The following PKHD1L1 variants were observed in gnomAD, a reference collection of about 807,000 sequenced individuals.
PKHD1L1 encodes PKHD1 like 1.
A neutral mutation model predicts 462.9 loss-of-function variants in PKHD1L1; 434 were observed. That is an observed-to-expected ratio of 0.94 (90% CI 0.87 to 1.02). PKHD1L1 has a LOEUF of 1.02. Ranked by LOEUF, PKHD1L1 falls within the 50% of genes least tolerant of loss-of-function variation. PKHD1L1 has a pLI of 0.00. For synonymous variants in PKHD1L1, 1,781 were observed against 1,750.0 expected (o/e 1.02, Z -0.44); for missense variants, 5,202 against 5,096.1 (o/e 1.02, Z -0.63).
intron 50 of PKHD1L1, among the ~76,000 whole-genome samples, chr8:109,467,439 G>T (rs994931069): frequency 1.3e-4 from 13 of 101,166 alleles, no homozygotes; most frequent in African/African-American, 5.1e-4. Flanking sequence ...ATTTAAACTT[G>T]CTTTTATTTG....
At chr8:109,380,476 T>C (rs183300875) in intron 2 of PKHD1L1, among the ~76,000 whole-genome samples, 6 of 152,338 alleles carry the variant, frequency 3.9e-5, no homozygotes, top group African/African-American at 1.4e-4. Flanking sequence ...TCTAACACCA[T>C]GTCTTTGTCA....
In PKHD1L1 at chr8:109,415,657, G is replaced by T. The variant is rs149174785; in HGVS notation, c.2360+2112G>T. 2.8e-3 allele frequency among the ~76,000 whole-genome samples: 426 copies of T among 151,760 alleles called. 2 individuals are homozygous for T. Among genetic ancestry groups the T allele is most frequent in the Non-Finnish European group, 3.8e-3 (258 of 67,850 alleles). On this transcript the variant is annotated intron_variant, in intron 21 of 77. Coordinates refer to ENST00000378402, the MANE Select transcript of PKHD1L1 (RefSeq NM_177531.6). ...ATGATCTTAATTTAAAAAAAGGAGG[G>T]GGCTGGGCAACATGGCAACCATCTC...
Position 109,381,370 on chromosome 8 carries a change from G to T in PKHD1L1, c.164G>T (p.Gly55Val), listed in dbSNP as rs1812103587. The T allele has an allele frequency of 1.3e-6, 2 of 1,563,870 alleles. No individual in the cohort carries two copies. Among genetic ancestry groups the T allele is most frequent in the Non-Finnish European group, 1.7e-6 (2 of 1,152,696 alleles). The change falls in exon 3 of 78, where the codon GGT becomes GTT. Residue 55 changes from glycine (G) to valine (V), a missense_variant and splice_region_variant. Physicochemically the swap from Gly to Val is moderately radical, Grantham distance 109. Around this residue, in one of 3 missense-constraint regions of PKHD1L1, gnomAD observed 4,497 missense variants for 4,336.8 expected, o/e 1.04. Coordinates refer to ENST00000378402, the MANE Select transcript of PKHD1L1 (RefSeq NM_177531.6). ...GATRLTIRGEGFSQANQFNYG... is the reference protein window; with the variant it reads ...GATRLTIRGEVFSQANQFNYG... ...TAATTAAGTCTTCTTACTTTTCCAG[G>T]TTTTTCTCAAGCAAACCAGTTTAAC...
intron 71 of PKHD1L1, among the ~76,000 whole-genome samples, chr8:109,511,341 C>T (rs1241352398): frequency 8.9e-6 from 1 of 112,144 alleles, no homozygotes; most frequent in Non-Finnish European, 1.8e-5. Flanking sequence ...CTATCCCTCC[C>T]CCCTCCCCCC....
intron 76 of PKHD1L1, among the ~76,000 whole-genome samples, chr8:109,525,856 A>G (rs1286696444): frequency 2.0e-5 from 2 of 100,792 alleles, no homozygotes; most frequent in African/African-American, 7.7e-5. Context: ...AAGTTATATA[A>G]TGAATTGCAA....
intron 46 of PKHD1L1, among the ~76,000 whole-genome samples, chr8:109,457,834 T>G (rs2130807883): frequency 6.6e-6 from 1 of 152,282 alleles, no homozygotes; most frequent in East Asian, 1.9e-4. Flanking sequence ...AAGAAATCAT[T>G]GTATCATCCG....
intron 60 of PKHD1L1, 65 bp downstream of exon 60, chr8:109,490,120 A>C: frequency 1.0e-6 from 1 of 976,654 alleles, no homozygotes; most frequent in South Asian, 1.7e-5. Flanking sequence ...TTTTCATTTG[A>C]CTTCTAAATA....
intron 35 of PKHD1L1, 86 bp downstream of exon 35, chr8:109,442,281 T>G: frequency 2.4e-6 from 3 of 1,253,966 alleles, no homozygotes; most frequent in Non-Finnish European, 3.2e-6. Flanking sequence ...TAATACAGTA[T>G]TTTTACATAA....
chr8:109,475,771 C>A (rs555478039), intron 51 of PKHD1L1, among the ~76,000 whole-genome samples: 150 of 147,764 alleles, frequency 1.0e-3, no homozygotes, highest in Non-Finnish European at 1.5e-3. Context: ...TCGCTTGAAC[C>A]CAAGAGGCAG....
chr8:109,459,660 C>T lies in PKHD1L1; in HGVS notation c.7070C>T (p.Thr2357Ile), dbSNP rs201437777. ...ASVSADGINI[T>I]LSNPLNYTHL... ...GTGTCTGCTGATGGCATAAACATAA[C>T]ACTAAGTAACCCACTAAATTACACA... Residue 2357 changes from threonine to isoleucine, a missense_variant, in exon 47 of 78, where the codon ACA becomes ATA. This residue lies in a region of PKHD1L1 where 4,497 missense variants were observed against 4,336.8 expected (regional missense o/e 1.04). Coordinates refer to ENST00000378402, the MANE Select transcript of PKHD1L1 (RefSeq NM_177531.6). 8.7e-5 allele frequency: 140 copies of T among 1,606,500 alleles called. No individual in the cohort carries two copies. The African/African-American group carries it at 1.7e-3, about 19-fold the overall frequency.
At chr8:109,448,026 T>G (rs547800683) in intron 38 of PKHD1L1, 117 bp from the exon 39 acceptor site, 7 of 877,380 alleles carry the variant, frequency 8.0e-6, no homozygotes, top group Non-Finnish European at 1.2e-5. Context: ...TTAATATTTA[T>G]ATTAGTTTTA....
chr8:109,363,392 CCTT>C (rs969238177), intron 1 of PKHD1L1, among the ~76,000 whole-genome samples: 1 of 152,156 alleles, frequency 6.6e-6, no homozygotes, highest in African/African-American at 2.4e-5. Context: ...GAACTGGTCT[CCTT>C]TATGTTGGAG....
intron 26 of PKHD1L1, 120 bp from the exon 27 acceptor site, chr8:109,429,812 T>A (rs969478224): frequency 2.7e-6 from 2 of 728,748 alleles, no homozygotes; most frequent in East Asian, 2.8e-5. Context: ...ACAAAAAATA[T>A]AGACTAATTT....
At chr8:109,426,948 C>G (rs568397131) in intron 24 of PKHD1L1, 54 bp from the exon 25 acceptor site, 2 of 1,022,766 alleles carry the variant, frequency 2.0e-6, no homozygotes, top group Non-Finnish European at 3.1e-6. Context: ...CCACCACATC[C>G]GGCCCGTTTG....
chr8:109,523,446 T>C, intron 76 of PKHD1L1, 60 bp downstream of exon 76: 1 of 1,441,022 alleles, frequency 6.9e-7, no homozygotes, highest in Non-Finnish European at 9.5e-7. Flanking sequence ...ATTATAATGT[T>C]CTTTTAATGA....
In PKHD1L1 at chr8:109,444,948, C is replaced by T. The variant is rs771724295; in HGVS notation, c.5079C>T (p.Val1693=). 2 of 1,613,936 alleles carry T rather than the reference C, an allele frequency of 1.2e-6. No homozygotes were observed. The highest frequency in any genetic ancestry group is 2.2e-5 in the East Asian group (1 of 44,880). The part of the protein sequence containing the change: ...GFAVSSAGVK[V]LMGHFPCKVL... ...CCGTTTCTTCTGCAGGTGTAAAAGT[C>T]CTTATGGGTCATTTCCCATGTAAAG... Residue 1693 remains valine (V), a synonymous_variant, in exon 38 of 78, where the codon GTC becomes GTT. Coordinates refer to ENST00000378402, the MANE Select transcript of PKHD1L1 (RefSeq NM_177531.6).
At position 109,485,107 on chromosome 8, in the gene PKHD1L1, A is replaced by G; in HGVS notation, c.9640A>G (p.Ile3214Val). The G allele has an allele frequency of 6.2e-7, 1 of 1,602,676 alleles. No homozygotes were observed. The highest frequency in any genetic ancestry group is 8.5e-7 in the Non-Finnish European group (1 of 1,173,620). The change falls in exon 58 of 78, where the codon ATC becomes GTC. Residue 3214 changes from isoleucine (I) to valine (V), a missense_variant. Ile to Val is a conservative substitution (Grantham distance 29, BLOSUM62 3). This residue lies in a region of PKHD1L1 where 4,497 missense variants were observed against 4,336.8 expected (regional missense o/e 1.04). Coordinates refer to ENST00000378402, the MANE Select transcript of PKHD1L1 (RefSeq NM_177531.6). ...TTTCCACCAGACAGAAACAAGAAGT[A>G]TCGTTAAAATCCTGCATGATCATAA... ...YDFHQTETRS[I>V]VKILHDHKIL...
intron 53 of PKHD1L1, 91 bp from the exon 54 acceptor site, chr8:109,479,460 C>T: frequency 1.1e-6 from 1 of 877,134 alleles, no homozygotes; most frequent in East Asian, 2.7e-5. Flanking sequence ...CATGTAAAAT[C>T]TTATGGGGAA....
In PKHD1L1 at chr8:109,481,494, T is replaced by C. The variant is rs756058787; in HGVS notation, c.9389T>C (p.Leu3130Pro). The C allele has an allele frequency of 6.3e-7, 1 of 1,597,576 alleles. No individual in the cohort carries two copies. Among genetic ancestry groups the C allele is most frequent in the South Asian group, 1.1e-5 (1 of 88,192 alleles). Residue 3130 changes from leucine to proline, a missense_variant, in exon 56 of 78, where the codon CTT becomes CCT. Physicochemically the swap from Leu to Pro is moderately conservative, Grantham distance 98. Around this residue, in one of 3 missense-constraint regions of PKHD1L1, gnomAD observed 4,497 missense variants for 4,336.8 expected, o/e 1.04. Transcript: ENST00000378402. ...TTTAAAGGAGACTTAAAGATTGTTCTTAGAGGAAATCATACTACACAAGAC... is the reference window on the plus strand; with the variant it reads ...TTTAAAGGAGACTTAAAGATTGTTCCTAGAGGAAATCATACTACACAAGAC... Reference protein sequence around the residue: ...NPFKGDLKIVLRGNHTTQDWA... With the variant: ...NPFKGDLKIVPRGNHTTQDWA...
Sources: allele counts gnomAD v4.1 joint callset (sites outside exome capture counted in the v4.1 genomes callset), GRCh38; gene constraint gnomAD v4.1.1; regional missense constraint gnomAD v4.1.1; transcripts MANE v1.5; gene names NCBI Gene and HGNC (gene_info 2026-07-23, HGNC 2026-07-21).